The following ENAH variants were observed in gnomAD, a reference collection of about 807,000 sequenced individuals.
ENAH encodes the protein protein enabled homolog.
Under a neutral mutation model 78.7 loss-of-function variants are expected in ENAH, and 23 were observed. The observed-to-expected ratio is 0.29, with a 90% CI of 0.21 to 0.41. The LOEUF (loss-of-function observed/expected upper bound fraction) is 0.41. ENAH is among the 10% of genes least tolerant of loss of function. The pLI, the probability that ENAH is intolerant of heterozygous loss-of-function variation, is 1.00. For synonymous variants in ENAH, 226 were observed against 241.0 expected (o/e 0.94, Z 0.58); for missense variants, 544 against 691.0 (o/e 0.79, Z 2.39).
At chr1:225,543,608 A>C (rs907547906) in intron 3 of ENAH, among the ~76,000 whole-genome samples, 1 of 152,188 alleles carries the variant, frequency 6.6e-6, no homozygotes, top group Non-Finnish European at 1.5e-5. Context: ...GATATTTTTG[A>C]CCATGACTTA....
At chr1:225,505,089 T>C in intron 11 of ENAH, 5 of 1,476,234 alleles carry the variant, frequency 3.4e-6, no homozygotes, top group East Asian at 4.6e-5. Flanking sequence ...GGATACACAA[T>C]AGAACTTTAA....
Position 225,511,814 on chromosome 1 carries a change from G to A in ENAH, c.1468C>T (p.Pro490Ser). 1.2e-6 allele frequency: 2 copies of A among 1,601,586 alleles called. No homozygotes were observed. The highest frequency in any genetic ancestry group is 1.1e-5 in the South Asian group (1 of 90,330). The stretch of plus-strand genomic sequence containing the variant: ...AAAATATTTATCTTGAACTTACCAG[G>A]TGTACTTGTTGAAGAGGCCTTAGAA... ...VTSKASSTST[P>S]EPTRKPWERT... Residue 490 changes from proline (P) to serine (S), a missense_variant, in exon 10 of 14, where the codon CCT becomes TCT. This residue lies in a region of ENAH where 97 missense variants were observed against 124.4 expected (regional missense o/e 0.78). Transcript: ENST00000366843.
At chr1:225,554,193 T>C (rs545058952) in intron 3 of ENAH, among the ~76,000 whole-genome samples, 6 of 152,190 alleles carry the variant, frequency 3.9e-5, no homozygotes, top group Non-Finnish European at 5.9e-5. Context: ...TGTGTTTTCA[T>C]GTATAACAAT....
intron 1 of ENAH, among the ~76,000 whole-genome samples, chr1:225,601,904 C>A (rs2096933099): frequency 6.7e-6 from 1 of 150,206 alleles, no homozygotes; most frequent in South Asian, 2.1e-4. Context: ...AAACATTTAC[C>A]AGAAATAAGA....
chr1:225,557,202 T>C (rs1321084921), intron 2 of ENAH, among the ~76,000 whole-genome samples: 1 of 152,206 alleles, frequency 6.6e-6, no homozygotes, highest in East Asian at 1.9e-4. Context: ...AAAGCTAACA[T>C]ATCAATCTGA....
At chr1:225,633,474 T>C (rs930070535) in intron 1 of ENAH, among the ~76,000 whole-genome samples, 2 of 152,154 alleles carry the variant, frequency 1.3e-5, no homozygotes, top group Admixed American at 6.5e-5. Flanking sequence ...AAAATGAAAT[T>C]TGAGAAACAG....
chr1:225,509,960 T>A (rs1325120459), intron 10 of ENAH, among the ~76,000 whole-genome samples: 1 of 152,242 alleles, frequency 6.6e-6, no homozygotes, highest in Non-Finnish European at 1.5e-5. Context: ...CCTACAAAGT[T>A]GACTCAGGTG....
chr1:225,634,191 TTAAAGTCTAA>T (rs1482493359), intron 1 of ENAH, among the ~76,000 whole-genome samples: 5 of 152,204 alleles, frequency 3.3e-5, no homozygotes, highest in Admixed American at 1.3e-4. Context: ...GGCTAGTCTA[TTAAAGTCTAA>T]GCAACCAAAC....
At chr1:225,641,291 T>G (rs1045259141) in intron 1 of ENAH, among the ~76,000 whole-genome samples, 1 of 151,474 alleles carries the variant, frequency 6.6e-6, no homozygotes, top group African/African-American at 2.4e-5. Context: ...TAGTAAAAAA[T>G]TATGCATTTT....
chr1:225,595,030 A>T (rs1358459559), intron 1 of ENAH, among the ~76,000 whole-genome samples: 2 of 152,164 alleles, frequency 1.3e-5, no homozygotes, highest in Admixed American at 1.3e-4. Flanking sequence ...GAAGAATCTA[A>T]GTATTTAGGT....
chr1:225,577,790 G>A (rs2096795443), intron 1 of ENAH, among the ~76,000 whole-genome samples: 1 of 152,078 alleles, frequency 6.6e-6, no homozygotes, highest in African/African-American at 2.4e-5. Context: ...CTTAAAATAG[G>A]GGAAAACGTT....
chr1:225,511,183 G>C (rs762726870), intron 10 of ENAH, among the ~76,000 whole-genome samples: 4 of 152,128 alleles, frequency 2.6e-5, no homozygotes, highest in Non-Finnish European at 5.9e-5. Flanking sequence ...TTCCAGAATA[G>C]ATAAGGAGTT....
In ENAH at chr1:225,501,042, T is replaced by C; in HGVS notation, c.1567A>G (p.Ser523Gly). 1.9e-6 allele frequency: 3 copies of C among 1,614,178 alleles called. No homozygotes were observed. The highest frequency in any genetic ancestry group is 2.5e-6 in the Non-Finnish European group (3 of 1,180,014). The change falls in exon 12 of 14, where the codon AGT becomes GGT. Residue 523 changes from serine to glycine, a missense_variant. Physicochemically the swap from Ser to Gly is moderately conservative, Grantham distance 56. This residue lies in a region of ENAH where 97 missense variants were observed against 124.4 expected (regional missense o/e 0.78). Transcript: ENST00000366843. ...RPKSTPLSQP[S>G]ANGVQTEGLD... ...CCTTCCGTCTGGACTCCATTGGCAC[T>C]GGGCTGTGATAAGGGTGTGGATTTT...
chr1:225,617,807 C>T (rs1656065194), intron 1 of ENAH, among the ~76,000 whole-genome samples: 1 of 152,104 alleles, frequency 6.6e-6, no homozygotes, highest in Non-Finnish European at 1.5e-5. Flanking sequence ...GCCATCTAAA[C>T]CATCAGAAAG....
intron 1 of ENAH, among the ~76,000 whole-genome samples, chr1:225,606,132 A>C (rs531446688): frequency 6.6e-6 from 1 of 152,290 alleles, no homozygotes; most frequent in Admixed American, 6.5e-5. Context: ...ATATTAGACC[A>C]TTAAAAAAAA....
intron 5 of ENAH, among the ~76,000 whole-genome samples, chr1:225,518,728 C>G (rs954126379): frequency 2.6e-5 from 4 of 152,126 alleles, no homozygotes; most frequent in African/African-American, 9.7e-5. Flanking sequence ...TACTAGAAAG[C>G]ATATTTAAAT....
At chr1:225,595,103 G>A (rs1428582200) in intron 1 of ENAH, among the ~76,000 whole-genome samples, 1 of 152,154 alleles carries the variant, frequency 6.6e-6, no homozygotes, top group Non-Finnish European at 1.5e-5. Flanking sequence ...GGGAGGCCAA[G>A]GCAGGTGGAT....
At chr1:225,533,623 CAAG>C (rs1437064319) in intron 3 of ENAH, among the ~76,000 whole-genome samples, 2 of 152,028 alleles carry the variant, frequency 1.3e-5, no homozygotes, top group African/African-American at 4.8e-5. Flanking sequence ...GTCCTGGCTA[CAAG>C]AAGAAGGTAT....
intron 1 of ENAH, among the ~76,000 whole-genome samples, chr1:225,591,111 T>C (rs1436091992): frequency 4.6e-5 from 7 of 152,210 alleles, no homozygotes; most frequent in Non-Finnish European, 4.4e-5. Context: ...GCTAAGCATA[T>C]TTTGTGTTAT....
Sources: gnomAD v4.1 joint callset for allele counts (sites outside exome capture counted in the v4.1 genomes callset) on GRCh38, gnomAD v4.1.1 for gene constraint, gnomAD v4.1.1 regional missense constraint, MANE v1.5 for transcripts, NCBI Gene and HGNC (gene_info 2026-07-23, HGNC 2026-07-21) for gene names.